Variants in SLCO1B3 observed in about 807,000 individuals in gnomAD.
The protein encoded by SLCO1B3 is solute carrier organic anion transporter family member 1B3, also known as liver-specific organic anion transporter 2.
In SLCO1B3, 72 loss-of-function variants were observed where a neutral mutation model predicts 71.8. The ratio of observed to expected loss-of-function variants is 1.00; its 90% CI spans 0.83 to 1.22. SLCO1B3 has a LOEUF of 1.22. Ranked by LOEUF, SLCO1B3 falls within the 50% of genes most tolerant of loss-of-function variation. The pLI, the probability that SLCO1B3 is intolerant of heterozygous loss-of-function variation, is 0.00. For synonymous variants in SLCO1B3, 298 were observed against 278.4 expected (o/e 1.07, Z -0.70); for missense variants, 911 against 819.7 (o/e 1.11, Z -1.36).
At chr12:20,841,770 G>C (rs566651093) in intron 3 of SLCO1B3, among the ~76,000 whole-genome samples, 41 of 151,816 alleles carry the variant, frequency 2.7e-4, no homozygotes, top group African/African-American at 9.5e-4. Context: ...TTGTTCACCT[G>C]TTTGTGTCCA....
At chr12:20,864,045 G>C (rs567871996) in intron 8 of SLCO1B3, among the ~76,000 whole-genome samples, 4 of 152,006 alleles carry the variant, frequency 2.6e-5, no homozygotes, top group Admixed American at 2.0e-4. Context: ...CTCTCTTGAT[G>C]AATATCTGTA....
intron 4 of SLCO1B3, among the ~76,000 whole-genome samples, chr12:20,857,896 A>G (rs1226548926): frequency 1.3e-5 from 2 of 152,168 alleles, no homozygotes; most frequent in Non-Finnish European, 2.9e-5. Flanking sequence ...CAAATAATGT[A>G]TCCTCCAGGA....
At chr12:20,885,649 G>A (rs1212746779) in intron 13 of SLCO1B3, among the ~76,000 whole-genome samples, 2 of 151,820 alleles carry the variant, frequency 1.3e-5, no homozygotes, top group African/African-American at 4.8e-5. Context: ...TGCTAAATGA[G>A]GACAGGAAAG....
intron 3 of SLCO1B3, among the ~76,000 whole-genome samples, chr12:20,822,708 C>T (rs1371997691): frequency 2.0e-5 from 3 of 152,056 alleles, no homozygotes; most frequent in Non-Finnish European, 4.4e-5. Flanking sequence ...TTGTCTTGTG[C>T]TCAGTAAATC....
At position 20,859,453 on chromosome 12, in the gene SLCO1B3, A is replaced by G. The variant is rs74900289; in HGVS notation, c.359+882A>G. 2.1e-4 allele frequency among the ~76,000 whole-genome samples: 32 copies of G among 152,164 alleles called. No homozygotes were observed. The East Asian group carries it at 5.8e-3, about 28-fold the overall frequency. On this transcript the variant is annotated intron_variant, in intron 5 of 15. Transcript: ENST00000381545. ...CAATTCCTTAATGCCAAATCCAGCA[A>G]TCATGCCTGTTGGTCACCATATGAA...
At chr12:20,847,382 A>T (rs1565587373) in intron 3 of SLCO1B3, among the ~76,000 whole-genome samples, 1 of 152,050 alleles carries the variant, frequency 6.6e-6, no homozygotes, top group Non-Finnish European at 1.5e-5. Flanking sequence ...TCATGATGGG[A>T]TTTGTGCCCT....
At chr12:20,811,839 G>A (rs555742807) in intron 1 of SLCO1B3, among the ~76,000 whole-genome samples, 1 of 151,670 alleles carries the variant, frequency 6.6e-6, no homozygotes, top group East Asian at 1.9e-4. Flanking sequence ...GAAGTAAAAA[G>A]TGTGGTATTT....
At chr12:20,832,510 A>G (rs978343839) in intron 3 of SLCO1B3, among the ~76,000 whole-genome samples, 1 of 151,058 alleles carries the variant, frequency 6.6e-6, no homozygotes, top group African/African-American at 2.4e-5. Context: ...AAAAAAAAAT[A>G]GAGCAAAAGA....
intron 3 of SLCO1B3, among the ~76,000 whole-genome samples, chr12:20,826,286 A>G (rs969609811): frequency 6.6e-6 from 1 of 152,124 alleles, no homozygotes; most frequent in Non-Finnish European, 1.5e-5. Context: ...AAAATTACAG[A>G]AGCTATTGAC....
intron 9 of SLCO1B3, among the ~76,000 whole-genome samples, chr12:20,876,578 G>T (rs1198578564): frequency 2.6e-5 from 4 of 152,092 alleles, no homozygotes; most frequent in Non-Finnish European, 5.9e-5. Flanking sequence ...TCACTCATGA[G>T]AGTGGATTGC....
intron 3 of SLCO1B3, among the ~76,000 whole-genome samples, chr12:20,840,028 C>A (rs1864762707): frequency 6.6e-6 from 1 of 152,088 alleles, no homozygotes; most frequent in South Asian, 2.1e-4. Flanking sequence ...GAATTTTTAT[C>A]TCGGCTTAAA....
chr12:20,871,188 G>A (rs940629648), intron 8 of SLCO1B3, among the ~76,000 whole-genome samples: 2 of 152,200 alleles, frequency 1.3e-5, no homozygotes, highest in Admixed American at 1.3e-4. Context: ...GGTAATATTG[G>A]CCTCACAGAA....
chr12:20,860,912 A>G (rs1053567335), intron 5 of SLCO1B3, 105 bp from the exon 6 acceptor site: 11 of 1,129,976 alleles, frequency 9.7e-6, no homozygotes, highest in African/African-American at 3.1e-5. Flanking sequence ...GGTAATTTGG[A>G]GAAGACAGCG....
At chr12:20,814,004 T>C (rs995925315) in intron 2 of SLCO1B3, among the ~76,000 whole-genome samples, 4 of 152,188 alleles carry the variant, frequency 2.6e-5, no homozygotes, top group African/African-American at 9.7e-5. Context: ...CATACTTAGA[T>C]ATTTACATAT....
At chr12:20,898,181 A>C (rs906099595) in intron 13 of SLCO1B3, among the ~76,000 whole-genome samples, 2 of 152,198 alleles carry the variant, frequency 1.3e-5, no homozygotes, top group African/African-American at 2.4e-5. Context: ...GATTTTCATA[A>C]GGATCAAATG....
Position 20,877,950 on chromosome 12 carries a change from T to G in SLCO1B3, c.1135+14T>G, listed in dbSNP as rs762298896. On this transcript the variant is annotated intron_variant, in intron 10 of 15. Coordinates refer to ENST00000381545, the MANE Select transcript of SLCO1B3 (RefSeq NM_019844.4). Reference sequence around the variant, plus strand: ...ACTTTTTGTTGGGTAAGACATATTTTTTACCTGTTTGCTTGATAAATGAAA... The same window carrying G: ...ACTTTTTGTTGGGTAAGACATATTTGTTACCTGTTTGCTTGATAAATGAAA... The G allele has an allele frequency of 5.8e-6, 9 of 1,558,344 alleles. No individual in the cohort carries two copies. The highest frequency in any genetic ancestry group is 7.8e-6 in the Non-Finnish European group (9 of 1,149,812).
chr12:20,866,247 GT>G (rs1198268116), intron 8 of SLCO1B3, among the ~76,000 whole-genome samples: 5 of 152,094 alleles, frequency 3.3e-5, no homozygotes, highest in African/African-American at 1.2e-4. Context: ...GCTGGCCACT[GT>G]TTCAATATAA....
intron 3 of SLCO1B3, among the ~76,000 whole-genome samples, chr12:20,845,799 A>G (rs1284008639): frequency 1.3e-5 from 2 of 152,172 alleles, no homozygotes; most frequent in African/African-American, 4.8e-5. Flanking sequence ...TCATCTGTCT[A>G]GTGCGGTCAG....
At chr12:20,844,028 C>G (rs991563683) in intron 3 of SLCO1B3, among the ~76,000 whole-genome samples, 1 of 150,912 alleles carries the variant, frequency 6.6e-6, no homozygotes, top group African/African-American at 2.5e-5. Context: ...AAATTTTCTC[C>G]TCTTCAACTT....
Sources: allele counts gnomAD v4.1 joint callset (sites outside exome capture counted in the v4.1 genomes callset), GRCh38; gene constraint gnomAD v4.1.1; transcripts MANE v1.5; gene names NCBI Gene and HGNC (gene_info 2026-07-23, HGNC 2026-07-21).